The following NCAPH variants were observed in gnomAD, a reference collection of about 807,000 sequenced individuals.
NCAPH encodes condensin complex subunit 2.
In NCAPH, 38 loss-of-function variants were observed where a neutral mutation model predicts 85.5. The ratio of observed to expected loss-of-function variants is 0.44; its 90% CI spans 0.34 to 0.58. The LOEUF (loss-of-function observed/expected upper bound fraction) is 0.58, where lower values mean the gene tolerates loss of function less well. Ranked by LOEUF, NCAPH falls within the 20% of genes least tolerant of loss-of-function variation. The pLI, the probability that NCAPH is intolerant of heterozygous loss-of-function variation, is 0.01. For missense variants in NCAPH, 789 were observed against 916.6 expected (o/e 0.86, Z 1.80); for synonymous variants, 301 against 335.1 (o/e 0.90, Z 1.11).
Position 96,365,910 on chromosome 2 carries a change from T to C in NCAPH, c.1733T>C (p.Leu578Ser), listed in dbSNP as rs1413577472. The change falls in exon 14 of 18, where the codon TTA (leucine) becomes TCA (serine). Residue 578 changes from leucine (L) to serine (S), a missense_variant. Transcript: ENST00000240423. ...ADSDDEDLDD[L>S]FVGPVGNSDL... is the part of the protein sequence containing the mutation. ...AGTGATGATGAAGATTTGGATGACT[T>C]ATTTGTGGGACCTGTTGGGAACTCT... 6.2e-7 allele frequency: 1 copy of C among 1,614,208 alleles called. No homozygotes were observed. Among genetic ancestry groups the C allele is most frequent in the South Asian group, 1.1e-5 (1 of 91,080 alleles).
At position 96,376,590 on chromosome 2, in the gene NCAPH, A is replaced by G. The variant is rs1037532649; in HGVS notation, c.*3239A>G. ...TGCAACTATAGTGGATCACAGGCAG[A>G]GTGGGGCATTGTTCCCCTTCTTAGC... On this transcript the variant is annotated 3_prime_UTR_variant, in exon 18 of 18. Transcript: ENST00000240423. Among the ~76,000 whole-genome samples, 9 of 152,190 alleles carry G rather than the reference A, an allele frequency of 5.9e-5. No individual in the cohort carries two copies. Among genetic ancestry groups the G allele is most frequent in the Non-Finnish European group, 2.9e-5 (2 of 68,034 alleles).
intron 15 of NCAPH, among the ~76,000 whole-genome samples, chr2:96,367,775 A>AT (rs747733857): frequency 4.0e-4 from 61 of 152,354 alleles, no homozygotes; most frequent in Admixed American, 1.6e-3. Context: ...GTAAGACGTG[A>AT]TTCAGCCTTG....
rs1286439196 is a variant in NCAPH, at chr2:96,376,717, G to A, written c.*3366G>A. Among the ~76,000 whole-genome samples the A allele has an allele frequency of 6.6e-6, 1 of 152,236 alleles. No individual in the cohort carries two copies. The highest frequency in any genetic ancestry group is 1.5e-5 in the Non-Finnish European group (1 of 68,040). On this transcript the variant is annotated 3_prime_UTR_variant, in exon 18 of 18. Coordinates refer to ENST00000240423, the MANE Select transcript of NCAPH (RefSeq NM_015341.5). Reference sequence around the variant, plus strand: ...AAAGGAACCGTTCATGGTGGCTGAAGCCAAGCTGCTCAGCACTGAGGCAGC... The same window carrying A: ...AAAGGAACCGTTCATGGTGGCTGAAACCAAGCTGCTCAGCACTGAGGCAGC...
chr2:96,336,281 G>C (rs998094642), intron 1 of NCAPH, among the ~76,000 whole-genome samples: 4 of 152,224 alleles, frequency 2.6e-5, no homozygotes, highest in Non-Finnish European at 5.9e-5. Flanking sequence ...CTATTCAAAA[G>C]TACTGAGCTC....
At chr2:96,360,304 A>AT (rs1175947039) in intron 11 of NCAPH, 55 bp downstream of exon 11, 5 of 1,069,708 alleles carry the variant, frequency 4.7e-6, no homozygotes, top group African/African-American at 1.6e-5. Context: ...TTCAGATGTG[A>AT]TTTTTTAAAA....
At chr2:96,361,912 T>C (rs777090419) in intron 12 of NCAPH, among the ~76,000 whole-genome samples, 5 of 149,604 alleles carry the variant, frequency 3.3e-5, no homozygotes, top group Non-Finnish European at 7.4e-5. Flanking sequence ...AGGGTCTTGC[T>C]CTGTTGCCCA....
In NCAPH at chr2:96,375,101, A is replaced by G. The variant is rs1312814113; in HGVS notation, c.*1750A>G. Among the ~76,000 whole-genome samples the G allele has an allele frequency of 6.6e-6, 1 of 151,868 alleles. No homozygotes were observed. Among genetic ancestry groups the G allele is most frequent in the Non-Finnish European group, 1.5e-5 (1 of 67,970 alleles). On this transcript the variant is annotated 3_prime_UTR_variant, in exon 18 of 18. Transcript: ENST00000240423. ...TGTGTGCCTGTAATCCCAGCTACTCAGAAGGCTGAGGTGGGATAATCACTT... is the reference window on the plus strand; with the variant it reads ...TGTGTGCCTGTAATCCCAGCTACTCGGAAGGCTGAGGTGGGATAATCACTT...
intron 9 of NCAPH, among the ~76,000 whole-genome samples, chr2:96,355,308 G>C (rs1483449990): frequency 6.6e-6 from 1 of 152,122 alleles, no homozygotes; most frequent in African/African-American, 2.4e-5. Context: ...AGATTAGAGT[G>C]AACAGTCCCT....
intron 15 of NCAPH, among the ~76,000 whole-genome samples, chr2:96,368,714 A>C (rs2064732531): frequency 6.6e-6 from 1 of 151,312 alleles, no homozygotes. Flanking sequence ...GTTTGTTTTC[A>C]GGGCACCCTA....
rs2064812471 is a variant in NCAPH at position 96,374,569 on chromosome 2, T to A, written c.*1218T>A. ...GTATATAATTGGAAATTGCTCCTGA[T>A]AATAACTTCCTTCTTAGCCAAAAAC... is the stretch of plus-strand genomic sequence containing the variant. On this transcript the variant is annotated 3_prime_UTR_variant, in exon 18 of 18. Transcript: ENST00000240423. 6.6e-6 allele frequency among the ~76,000 whole-genome samples: 1 copy of A among 152,214 alleles called. No individual in the cohort carries two copies. Among genetic ancestry groups the A allele is most frequent in the Non-Finnish European group, 1.5e-5 (1 of 68,038 alleles).
chr2:96,353,282 T>C, intron 7 of NCAPH, 24 bp from the exon 8 acceptor site: 1 of 1,603,124 alleles, frequency 6.2e-7, no homozygotes, highest in Non-Finnish European at 8.5e-7. Context: ...TAATCTCTCT[T>C]TGTGATCTTG....
chr2:96,351,311 T>C (rs1286096497), intron 6 of NCAPH, among the ~76,000 whole-genome samples: 1 of 152,156 alleles, frequency 6.6e-6, no homozygotes, highest in East Asian at 1.9e-4. Context: ...TCTGGAGCAG[T>C]ATATGTTTAT....
In NCAPH at chr2:96,353,355, C is replaced by A; in HGVS notation, c.960C>A (p.Ala320=). 1 of 1,614,186 alleles carries A rather than the reference C, an allele frequency of 6.2e-7. No homozygotes were observed. The highest frequency in any genetic ancestry group is 8.5e-7 in the Non-Finnish European group (1 of 1,180,020). The change falls in exon 8 of 18, where the codon GCC becomes GCA. Residue 320 remains alanine (A), a synonymous_variant. Coordinates refer to ENST00000240423, the MANE Select transcript of NCAPH (RefSeq NM_015341.5). The part of the protein sequence containing the change: ...AEDRQICPSL[A]GFQFTQWDSE... ...ATCGCCAGATCTGCCCTTCCCTGGC[C>A]GGGTTCCAGTTTACACAGTGGGACA...
rs2064311777 is a variant in NCAPH at position 96,342,653 on chromosome 2, G to C, written c.364-103G>C. ...GGAAGAGAGATCAGTGACAATATGT[G>C]GGTATTCCTATGTAAAGACTTAGCT... On this transcript the variant is annotated intron_variant, in intron 3 of 17. Transcript: ENST00000240423. The C allele has an allele frequency of 2.2e-5, 19 of 879,872 alleles. No homozygotes were observed. In the South Asian group the frequency reaches 2.7e-4, roughly 13 times the overall value. The allele number at this position is 879,872 out of a possible 1,614,324, so 54.5% of individuals were successfully genotyped here.
intron 6 of NCAPH, among the ~76,000 whole-genome samples, chr2:96,350,529 G>A (rs562313010): frequency 5.7e-4 from 87 of 152,238 alleles, no homozygotes; most frequent in South Asian, 1.0e-3. Flanking sequence ...GATGGGAATT[G>A]GGAGAGGCCA....
chr2:96,352,172 A>G, intron 7 of NCAPH, 152 bp downstream of exon 7: 1 of 773,772 alleles, frequency 1.3e-6, no homozygotes, highest in Non-Finnish European at 2.0e-6. Flanking sequence ...TCCTTTTGGG[A>G]GTGCCTTGCA....
rs1175876784 is a variant in NCAPH, at chr2:96,344,260, G to A, written c.720+31G>A. Reference sequence around the variant, plus strand: ...GAACTGTATGCGCAGTGTGGTTTCTGACTAATTCAGAACCTTAGGGGCTGA... The same window carrying A: ...GAACTGTATGCGCAGTGTGGTTTCTAACTAATTCAGAACCTTAGGGGCTGA... On this transcript the variant is annotated intron_variant, in intron 6 of 17. Transcript: ENST00000240423. 5.7e-6 allele frequency: 9 copies of A among 1,576,536 alleles called. No homozygotes were observed. The East Asian group carries it at 1.8e-4, about 32-fold the overall frequency.
intron 9 of NCAPH, among the ~76,000 whole-genome samples, chr2:96,358,476 CTT>C (rs35129726): frequency 6.7e-6 from 1 of 149,210 alleles, no homozygotes; most frequent in Non-Finnish European, 1.5e-5. Context: ...AAGGAATTCT[CTT>C]TTTTTTTTGA....
At position 96,373,914 on chromosome 2, in the gene NCAPH, T is replaced by C. The variant is rs2064804694; in HGVS notation, c.*563T>C. On this transcript the variant is annotated 3_prime_UTR_variant, in exon 18 of 18. Coordinates refer to ENST00000240423, the MANE Select transcript of NCAPH (RefSeq NM_015341.5). ...TAGGGGGATGCAGTCCTGGTTGTTA[T>C]CCAGGATACACACCTGTCAGTATAA... The C allele has an allele frequency of 6.6e-6, 1 of 152,456 alleles. No individual in the cohort carries two copies. The highest frequency in any genetic ancestry group is 1.5e-5 in the Non-Finnish European group (1 of 68,048). 9.4% of individuals were successfully genotyped at this position (152,456 alleles called of 1,614,324 possible). A position where few individuals can be genotyped will look rare whatever the true frequency, so the allele number is the denominator to read the frequency against.
Sources: gnomAD v4.1 joint callset for allele counts (sites outside exome capture counted in the v4.1 genomes callset) on GRCh38, gnomAD v4.1.1 for gene constraint, MANE v1.5 for transcripts, NCBI Gene and HGNC (gene_info 2026-07-23, HGNC 2026-07-21) for gene names.